DHTKD1: variants seen among roughly 807,000 people sequenced by gnomAD.
The protein encoded by DHTKD1 is dehydrogenase E1 and transketolase domain containing 1, also known as 2-oxoadipate dehydrogenase complex component E1.
A neutral mutation model predicts 101.8 loss-of-function variants in DHTKD1; 78 were observed. The observed-to-expected ratio is 0.77, with a 90% CI of 0.64 to 0.93. The LOEUF is 0.93. DHTKD1 is among the 40% of genes least tolerant of loss of function. DHTKD1 has a pLI of 0.00. For synonymous variants in DHTKD1, 462 were observed against 450.3 expected (o/e 1.03, Z -0.33); for missense variants, 1,223 against 1,161.7 (o/e 1.05, Z -0.77).
At chr10:12,113,195 T>C in intron 13 of DHTKD1, 131 bp downstream of exon 13, 1 of 920,910 alleles carries the variant, frequency 1.1e-6, no homozygotes, top group Non-Finnish European at 1.6e-6. Flanking sequence ...TTTGCTACTT[T>C]CATTTTTTTT....
rs1427617038 is a variant in DHTKD1, at chr10:12,123,211, CA to C, written c.*2324del. ...AAGAAAAAAAATAAAAGCACATTGT[CA>C]TTTTTTTTCCTCAGGACTCCTGGAC... On this transcript the variant is annotated 3_prime_UTR_variant, in exon 17 of 17. Coordinates refer to ENST00000263035, the MANE Select transcript of DHTKD1 (RefSeq NM_018706.7). The C allele has an allele frequency of 6.6e-6, 1 of 152,050 alleles. No homozygotes were observed. Among genetic ancestry groups the C allele is most frequent in the Non-Finnish European group, 1.5e-5 (1 of 68,000 alleles). 9.4% of individuals were successfully genotyped at this position (152,050 alleles called of 1,614,324 possible).
Position 12,120,256 on chromosome 10 carries a change from C to G in DHTKD1, c.2647C>G (p.Leu883Val), listed in dbSNP as rs780851309. 6.2e-7 allele frequency: 1 copy of G among 1,613,666 alleles called. No individual in the cohort carries two copies. The highest frequency in any genetic ancestry group is 1.1e-5 in the South Asian group (1 of 91,072). Reference sequence around the variant, plus strand: ...TGTTTCTCCAAGGTTTGAAAAGCAGCTGGCCTGCAAGGTAATCACACGTTT... The same window carrying G: ...TGTTTCTCCAAGGTTTGAAAAGCAGGTGGCCTGCAAGGTAATCACACGTTT... ...SFVSPRFEKQ[L>V]ACKLRLVGRP... Residue 883 changes from leucine (L) to valine (V), a missense_variant, in exon 16 of 17, where the codon CTG (leucine) becomes GTG (valine). Physicochemically the swap from Leu to Val is conservative, Grantham distance 32 (BLOSUM62 1). Transcript: ENST00000263035.
chr10:12,077,584 T>C (rs1390587155), intron 1 of DHTKD1, among the ~76,000 whole-genome samples: 3 of 152,210 alleles, frequency 2.0e-5, no homozygotes, highest in Non-Finnish European at 4.4e-5. Context: ...TCTACAATAT[T>C]ATTTTTTAAT....
intron 13 of DHTKD1, among the ~76,000 whole-genome samples, 168 bp downstream of exon 13, chr10:12,113,232 C>G: frequency 6.6e-6 from 1 of 152,184 alleles, no homozygotes; most frequent in East Asian, 1.9e-4. Context: ...CAGTCTTGCT[C>G]TGTCGCCCAG....
chr10:12,116,640 C>T (rs1833422718), intron 13 of DHTKD1, among the ~76,000 whole-genome samples: 1 of 152,020 alleles, frequency 6.6e-6, no homozygotes, highest in South Asian at 2.1e-4. Context: ...ATCTGTCCAC[C>T]TCTGCCTCCC....
chr10:12,109,308 A>G, intron 12 of DHTKD1, among the ~76,000 whole-genome samples: 1 of 152,020 alleles, frequency 6.6e-6, no homozygotes, highest in South Asian at 2.1e-4. Flanking sequence ...AGATAGATGG[A>G]TAGTTACATT....
intron 8 of DHTKD1, among the ~76,000 whole-genome samples, chr10:12,099,411 G>A (rs569731826): frequency 6.6e-6 from 1 of 152,236 alleles, no homozygotes; most frequent in East Asian, 1.9e-4. Flanking sequence ...TATAGGCCGG[G>A]TGTGGTGGCT....
intron 1 of DHTKD1, among the ~76,000 whole-genome samples, chr10:12,072,774 T>C (rs1832670289): frequency 2.6e-5 from 4 of 151,950 alleles, no homozygotes; most frequent in Admixed American, 2.6e-4. Context: ...TTCGCTCTTG[T>C]TGCCGAGGCT....
intron 1 of DHTKD1, among the ~76,000 whole-genome samples, chr10:12,070,495 T>G (rs780148256): frequency 6.6e-6 from 1 of 152,172 alleles, no homozygotes; most frequent in African/African-American, 2.4e-5. Context: ...CTCTCTCTCT[T>G]TTTTTAATCC....
intron 7 of DHTKD1, among the ~76,000 whole-genome samples, chr10:12,095,829 A>AAAAGAAAAG (rs1554792527): frequency 3.3e-5 from 3 of 90,534 alleles, no homozygotes; most frequent in African/African-American, 1.4e-4. Flanking sequence ...AAAAAAAAAA[A>AAAAGAAAAG]AAAAGAAAAG....
intron 12 of DHTKD1, among the ~76,000 whole-genome samples, chr10:12,109,221 T>C: frequency 6.6e-6 from 1 of 152,160 alleles, no homozygotes; most frequent in Non-Finnish European, 1.5e-5. Context: ...AGCATGCATA[T>C]CGTTAATGAT....
intron 1 of DHTKD1, among the ~76,000 whole-genome samples, chr10:12,076,248 T>C (rs939174624): frequency 1.3e-5 from 2 of 152,260 alleles, no homozygotes; most frequent in Admixed American, 6.5e-5. Context: ...GAGGCCGCGG[T>C]GGGCGGATCA....
At chr10:12,096,595 C>A (rs775183360) in intron 7 of DHTKD1, among the ~76,000 whole-genome samples, 1 of 152,202 alleles carries the variant, frequency 6.6e-6, no homozygotes, top group Non-Finnish European at 1.5e-5. Context: ...CGCCATCTGC[C>A]CGTCTCGGCC....
intron 1 of DHTKD1, among the ~76,000 whole-genome samples, 193 bp downstream of exon 1, chr10:12,069,380 C>G (rs1390470941): frequency 6.6e-6 from 1 of 152,184 alleles, no homozygotes; most frequent in Non-Finnish European, 1.5e-5. Context: ...CCCGTCCATC[C>G]TCTGTAACTG....
chr10:12,120,497 C>A (rs540831855), intron 16 of DHTKD1: 1 of 517,262 alleles, frequency 1.9e-6, no homozygotes, highest in African/African-American at 1.9e-5. Context: ...CCACACCCAG[C>A]TAAATTTTTT....
At chr10:12,084,494 G>A (rs757493824) in intron 2 of DHTKD1, 46 bp from the exon 3 acceptor site, 88 of 1,210,336 alleles carry the variant, frequency 7.3e-5, no homozygotes, top group Admixed American at 1.5e-4. Flanking sequence ...TCATGTTAAG[G>A]AACATGATTA....
chr10:12,072,292 C>T (rs180997158), intron 1 of DHTKD1, among the ~76,000 whole-genome samples: 2 of 152,192 alleles, frequency 1.3e-5, no homozygotes, highest in Non-Finnish European at 2.9e-5. Flanking sequence ...CATGGTGAAA[C>T]CCCATCTCTA....
At position 12,074,862 on chromosome 10, in the gene DHTKD1, G is replaced by A. The variant is rs142251553; in HGVS notation, c.154+5675G>A. Among the ~76,000 whole-genome samples, 206 of 152,076 alleles carry A rather than the reference G, an allele frequency of 1.4e-3. 1 individual carries two copies. The highest frequency in any genetic ancestry group is 4.6e-3 in the African/African-American group (192 of 41,528). The stretch of plus-strand genomic sequence containing the variant: ...ATCCCCATTCCCATTGCAAACCAGC[G>A]GCCATATTGAAAACGTCCCCTTAGA... On this transcript the variant is annotated intron_variant, in intron 1 of 16. Coordinates refer to ENST00000263035, the MANE Select transcript of DHTKD1 (RefSeq NM_018706.7).
chr10:12,094,752 G>A (rs1833043348), intron 7 of DHTKD1, among the ~76,000 whole-genome samples: 1 of 152,192 alleles, frequency 6.6e-6, no homozygotes, highest in Non-Finnish European at 1.5e-5. Flanking sequence ...CAATTCTTGT[G>A]CCTCAGCTTC....
Sources: gnomAD v4.1 joint callset for allele counts (sites outside exome capture counted in the v4.1 genomes callset) on GRCh38, gnomAD v4.1.1 for gene constraint, MANE v1.5 for transcripts, NCBI Gene and HGNC (gene_info 2026-07-23, HGNC 2026-07-21) for gene names.